HTATIP2: variants seen among roughly 807,000 people sequenced by gnomAD.
HTATIP2 encodes the protein protein HTATIP2.
Under a neutral mutation model 24.7 loss-of-function variants are expected in HTATIP2, and 26 were observed. The ratio of observed to expected loss-of-function variants is 1.05; its 90% CI spans 0.77 to 1.46. The LOEUF (loss-of-function observed/expected upper bound fraction) is 1.46, where lower values mean the gene tolerates loss of function less well. HTATIP2 is among the 40% of genes most tolerant of loss of function. HTATIP2 has a pLI of 0.00. For synonymous variants in HTATIP2, 99 were observed against 113.2 expected, an observed-to-expected ratio of 0.87 and a Z score of 0.79; for missense variants, 284 against 289.6, an observed-to-expected ratio of 0.98 and a Z score of 0.14.
At position 20,382,965 on chromosome 11, in the gene HTATIP2, T is replaced by C. The variant is rs772199126; in HGVS notation, c.504-15T>C. On this transcript the variant is annotated splice_polypyrimidine_tract_variant and intron_variant, in intron 4 of 4. Coordinates refer to ENST00000451739, the MANE Select transcript of HTATIP2 (RefSeq NM_001098522.2). ...TCCTCTGCTTTTCTTTCTTTTTTTT[T>C]TTTTTTTATTTTAGAGTTCTGTTAT... The C allele has an allele frequency of 1.3e-6, 2 of 1,567,856 alleles. No individual in the cohort carries two copies. The highest frequency in any genetic ancestry group is 2.0e-4 in the Middle Eastern group (1 of 4,928).
rs761113892 is a variant in HTATIP2, at chr11:20,376,622, G to A, written c.346G>A (p.Ala116Thr). The A allele has an allele frequency of 1.9e-6, 3 of 1,613,886 alleles. No individual in the cohort carries two copies. In the Admixed American group the frequency reaches 5.0e-5, roughly 27 times the overall value. Reference sequence around the variant, plus strand: ...TGACCGAGATTATGTGCTGAAGTCTGCAGAGCTGGCAAAAGCTGGAGGGTG... The same window carrying A: ...TGACCGAGATTATGTGCTGAAGTCTACAGAGCTGGCAAAAGCTGGAGGGTG... ...RVDRDYVLKS[A>T]ELAKAGGCKH... Residue 116 changes from alanine (A) to threonine (T), a missense_variant, in exon 3 of 5, where the codon GCA becomes ACA. Transcript: ENST00000451739.
intron 2 of HTATIP2, among the ~76,000 whole-genome samples, chr11:20,371,730 C>T (rs1437070525): frequency 6.6e-6 from 1 of 152,048 alleles, no homozygotes. Flanking sequence ...GCCATCGCAC[C>T]CGGCCTGAAA....
chr11:20,378,609 G>A (rs16906172), intron 3 of HTATIP2, among the ~76,000 whole-genome samples: 12,507 of 152,182 alleles, frequency 0.082, 707 homozygotes, highest in Admixed American at 0.17. Flanking sequence ...AGATAAAGGC[G>A]TTACTACTGA....
At chr11:20,381,176 C>T (rs1323402972) in intron 3 of HTATIP2, among the ~76,000 whole-genome samples, 1 of 152,104 alleles carries the variant, frequency 6.6e-6, no homozygotes, top group African/African-American at 2.4e-5. Context: ...CGGTGGCTCT[C>T]GCCTGTAATC....
At chr11:20,364,990 T>G (rs566232291) in intron 1 of HTATIP2, among the ~76,000 whole-genome samples, 32 of 151,662 alleles carry the variant, frequency 2.1e-4, no homozygotes, top group African/African-American at 7.5e-4. Flanking sequence ...AGGTTTTTTT[T>G]TTTTTTTTTC....
intron 3 of HTATIP2, among the ~76,000 whole-genome samples, chr11:20,378,958 A>G (rs1216654805): frequency 6.6e-6 from 1 of 152,082 alleles, no homozygotes; most frequent in Non-Finnish European, 1.5e-5. Flanking sequence ...AATTGCATGA[A>G]CCCGGGAAGC....
intron 2 of HTATIP2, among the ~76,000 whole-genome samples, chr11:20,371,606 A>ATT (rs60483876): frequency 5.5e-4 from 82 of 150,204 alleles, no homozygotes; most frequent in African/African-American, 1.5e-3. Flanking sequence ...TAATTTTTGT[A>ATT]TTTTTTTTTG....
intron 2 of HTATIP2, chr11:20,367,505 T>C: frequency 6.9e-7 from 1 of 1,440,352 alleles, no homozygotes. Context: ...GCTGGAGACG[T>C]CGTAAATATT....
intron 2 of HTATIP2, among the ~76,000 whole-genome samples, chr11:20,374,818 G>A: frequency 6.6e-6 from 1 of 152,194 alleles, no homozygotes; most frequent in East Asian, 1.9e-4. Flanking sequence ...TGACACAGTT[G>A]ACTGGTGAAA....
chr11:20,364,446 C>G lies in HTATIP2; in HGVS notation c.195+14C>G, dbSNP rs1428742307. 3 of 1,589,388 alleles carry G rather than the reference C, an allele frequency of 1.9e-6. No homozygotes were observed. The highest frequency in any genetic ancestry group is 2.7e-5 in the African/African-American group (2 of 74,210). On this transcript the variant is annotated intron_variant, in intron 1 of 4. Transcript: ENST00000451739. The stretch of plus-strand genomic sequence containing the variant: ...TATAAAAATGTGGTGGGTATTTCAG[C>G]TGGGACTCAAATGGACCCCCAGGAT...
In HTATIP2 at chr11:20,363,815, G is replaced by T; in HGVS notation, c.-423G>T. 1 of 1,245,404 alleles carries T rather than the reference G, an allele frequency of 8.0e-7. No individual in the cohort carries two copies. The highest frequency in any genetic ancestry group is 1.0e-6 in the Non-Finnish European group (1 of 989,978). The allele number at this position is 1,245,404 out of a possible 1,614,324, so 77.1% of individuals were successfully genotyped here. ...CCAGGGAAGGTGGGATGCTCTGATG[G>T]CCGGGCCTGCGGCGCTGAGCGCGGC... On this transcript the variant is annotated 5_prime_UTR_variant, in exon 1 of 5. Transcript: ENST00000451739.
chr11:20,374,931 T>C (rs1332141616), intron 2 of HTATIP2, among the ~76,000 whole-genome samples: 1 of 152,194 alleles, frequency 6.6e-6, no homozygotes, highest in African/African-American at 2.4e-5. Flanking sequence ...ACATGACATA[T>C]TCACAAAGAT....
At chr11:20,375,126 G>A (rs984793015) in intron 2 of HTATIP2, among the ~76,000 whole-genome samples, 2 of 152,068 alleles carry the variant, frequency 1.3e-5, no homozygotes, top group East Asian at 1.9e-4. Flanking sequence ...CAGTTCACCC[G>A]CCCACTGGAC....
In HTATIP2 at chr11:20,382,998, G is replaced by C; in HGVS notation, c.522G>C (p.Arg174Ser). The C allele has an allele frequency of 6.2e-7, 1 of 1,611,980 alleles. No homozygotes were observed. Among genetic ancestry groups the C allele is most frequent in the Non-Finnish European group, 8.5e-7 (1 of 1,179,400 alleles). ...ATTTTAGAGTTCTGTTATGTGATAG[G>C]CAAGAATCTCGCCCAGGTGAATGGC... Reference protein sequence around the residue: ...VFRPGVLLCDRQESRPGEWLV... With the variant: ...VFRPGVLLCDSQESRPGEWLV... Residue 174 changes from arginine to serine, a missense_variant, in exon 5 of 5, where the codon AGG (arginine) becomes AGC (serine). Arg to Ser is a moderately radical substitution (Grantham distance 110). Transcript: ENST00000451739.
At chr11:20,365,551 G>A (rs527378649) in intron 1 of HTATIP2, among the ~76,000 whole-genome samples, 15 of 152,186 alleles carry the variant, frequency 9.9e-5, no homozygotes, top group Non-Finnish European at 1.6e-4. Flanking sequence ...TCTGTGTTCA[G>A]GTCATGGTGT....
At chr11:20,380,604 G>A (rs1201667550) in intron 3 of HTATIP2, among the ~76,000 whole-genome samples, 1 of 148,852 alleles carries the variant, frequency 6.7e-6, no homozygotes, top group African/African-American at 2.5e-5. Context: ...CCCGGGAGGC[G>A]GAGCTTGCAG....
chr11:20,374,465 C>A (rs528188732), intron 2 of HTATIP2, among the ~76,000 whole-genome samples: 2 of 152,280 alleles, frequency 1.3e-5, no homozygotes, highest in African/African-American at 4.8e-5. Flanking sequence ...AGGACAGAAA[C>A]CATTTCCATA....
chr11:20,364,029 CGG>C lies in HTATIP2; in HGVS notation c.-207_-206del. 4 of 1,305,910 alleles carry C rather than the reference CGG, an allele frequency of 3.1e-6. No individual in the cohort carries two copies. The highest frequency in any genetic ancestry group is 3.9e-6 in the Non-Finnish European group (4 of 1,027,584). 80.9% of individuals were successfully genotyped at this position (1,305,910 alleles called of 1,614,324 possible). A position where few individuals can be genotyped will look rare whatever the true frequency, so the allele number is the denominator to read the frequency against. ...TGGCACCTGGGCGCACCCTCCAGCT[CGG>C]GCCCCTTCCGATGGGTCTGCTGGCT... On this transcript the variant is annotated 5_prime_UTR_variant, in exon 1 of 5. The change abolishes the stop of an existing upstream ORF in the 5' untranslated region. Transcript: ENST00000451739.
rs2064657614 is a variant in HTATIP2 at position 20,363,716 on chromosome 11, C to A, written c.-522C>A. On this transcript the variant is annotated 5_prime_UTR_variant, in exon 1 of 5. Transcript: ENST00000451739. Reference sequence around the variant, plus strand: ...CGCCCCTGTGGGCGGGGCGAGGCAGCGTCGCCGCGAGGCCACCCGGAAGAC... The same window carrying A: ...CGCCCCTGTGGGCGGGGCGAGGCAGAGTCGCCGCGAGGCCACCCGGAAGAC... 8.1e-7 allele frequency: 1 copy of A among 1,228,672 alleles called. No individual in the cohort carries two copies. Among genetic ancestry groups the A allele is most frequent in the East Asian group, 3.2e-5 (1 of 31,462 alleles). 76.1% of individuals were successfully genotyped at this position (1,228,672 alleles called of 1,614,324 possible).
Sources: gnomAD v4.1 joint callset for allele counts (sites outside exome capture counted in the v4.1 genomes callset) on GRCh38, gnomAD v4.1.1 for gene constraint, MANE v1.5 for transcripts, NCBI Gene and HGNC (gene_info 2026-07-23, HGNC 2026-07-21) for gene names.